KCNAB2: variants seen among roughly 807,000 people sequenced by gnomAD.
KCNAB2 encodes potassium voltage-gated channel subfamily A regulatory beta subunit 2.
Under a neutral mutation model 63.6 loss-of-function variants are expected in KCNAB2, and 29 were observed. That is an observed-to-expected ratio of 0.46 (90% CI 0.34 to 0.62). KCNAB2 has a LOEUF of 0.62. KCNAB2 is among the 20% of genes least tolerant of loss of function. The pLI, the probability that KCNAB2 is intolerant of heterozygous loss-of-function variation, is 0.01. For synonymous variants in KCNAB2, 222 were observed against 224.2 expected (o/e 0.99, Z 0.09); for missense variants, 359 against 563.9 (o/e 0.64, Z 3.68).
At chr1:6,061,703 A>G (rs1174766666) in intron 2 of KCNAB2, among the ~76,000 whole-genome samples, 4 of 152,198 alleles carry the variant, frequency 2.6e-5, no homozygotes, top group Non-Finnish European at 5.9e-5. Flanking sequence ...TCTGCCACCA[A>G]TTTTCACAGA....
chr1:6,033,153 G>C (rs899220171), upstream of KCNAB2, among the ~76,000 whole-genome samples: 2 of 152,210 alleles, frequency 1.3e-5, no homozygotes, highest in African/African-American at 4.8e-5. Flanking sequence ...TCAGGGGATT[G>C]CTACGCACTT....
At chr1:6,011,163 G>A (rs557109452) in intron 1 of KCNAB2, among the ~76,000 whole-genome samples, 1 of 152,360 alleles carries the variant, frequency 6.6e-6, no homozygotes, top group African/African-American at 2.4e-5. Context: ...TTGCTCTGAG[G>A]GAGCAGCAGG....
intron 2 of KCNAB2, among the ~76,000 whole-genome samples, chr1:6,061,229 A>G (rs908859722): frequency 6.6e-5 from 10 of 152,230 alleles, no homozygotes; most frequent in Non-Finnish European, 1.5e-4. Context: ...TATCAACAGC[A>G]GGTACCGGAG....
Position 6,073,987 on chromosome 1 carries a change from AC to A in KCNAB2, c.300+220del. Reference sequence around the variant, plus strand: ...AGGGGATGCCGAGTCTGGTGCCATCACCCAGCAGTGGATGCCTCGGGCCTCA... The same window carrying A: ...AGGGGATGCCGAGTCTGGTGCCATCACCAGCAGTGGATGCCTCGGGCCTCA... On this transcript the variant is annotated intron_variant, in intron 4 of 15. Transcript: ENST00000378083. This position sits in a 1 kb window ranked among gnomAD's most constrained non-coding sequence, Gnocchi z 5.7. The A allele has an allele frequency of 1.7e-6, 1 of 589,312 alleles. No individual in the cohort carries two copies. The highest frequency in any genetic ancestry group is 3.0e-6 in the Non-Finnish European group (1 of 328,410). 36.5% of individuals were successfully genotyped at this position (589,312 alleles called of 1,614,324 possible).
intron 2 of KCNAB2, among the ~76,000 whole-genome samples, chr1:6,057,111 A>G (rs3789553): frequency 0.35 from 51,774 of 149,416 alleles, 10,851 homozygotes; most frequent in African/African-American, 0.59. Context: ...TTCGGGCTGC[A>G]TCCTAGATGG....
chr1:6,030,572 T>G (rs1659526907), upstream of KCNAB2, among the ~76,000 whole-genome samples: 1 of 152,052 alleles, frequency 6.6e-6, no homozygotes, highest in African/African-American at 2.4e-5. Flanking sequence ...TATGTGTGTA[T>G]GTGTGTAGGT....
At chr1:6,052,656 A>G (rs1300332657) in intron 2 of KCNAB2, among the ~76,000 whole-genome samples, 2 of 152,084 alleles carry the variant, frequency 1.3e-5, no homozygotes, top group African/African-American at 4.8e-5. Context: ...GGCTGGTGTA[A>G]ATCCCTCTCA....
rs1039802867 is a variant in KCNAB2 at position 5,994,009 on chromosome 1, A to G, written c.-53+1221A>G. On this transcript the variant is annotated intron_variant, in intron 1 of 16. Transcript: ENST00000341524. The surrounding 1 kb of genome is among the most constrained non-coding windows in gnomAD (Gnocchi z 5.4). ...TCTGCCCTGTGTTGAACTGTGTCCAAGGGGAGATGACATAAGTAATAGCTC... is the reference window on the plus strand; with the variant it reads ...TCTGCCCTGTGTTGAACTGTGTCCAGGGGGAGATGACATAAGTAATAGCTC... Among the ~76,000 whole-genome samples the G allele has an allele frequency of 3.3e-5, 5 of 152,268 alleles. 1 individual carries two copies. The highest frequency in any genetic ancestry group is 4.1e-4 in the South Asian group (2 of 4,822).
chr1:6,100,437 G>A lies in KCNAB2; in HGVS notation c.*1863G>A. 1 of 169,134 alleles carries A rather than the reference G, an allele frequency of 5.9e-6. No individual in the cohort carries two copies. Among genetic ancestry groups the A allele is most frequent in the Non-Finnish European group, 1.3e-5 (1 of 79,512 alleles). The allele number at this position is 169,134 out of a possible 1,614,324, so 10.5% of individuals were successfully genotyped here. On this transcript the variant is annotated 3_prime_UTR_variant, in exon 16 of 16. Coordinates refer to ENST00000378083, the MANE Select transcript of KCNAB2 (RefSeq NM_001199862.2). ...CCCTGGGCCCAGGTGGGGGTCGCCT[G>A]CTTCCTTCCCGGACAGGGTCCTGCA...
chr1:6,054,111 A>G (rs12047776), intron 2 of KCNAB2, among the ~76,000 whole-genome samples: 51,483 of 151,726 alleles, frequency 0.34, 10,665 homozygotes, highest in African/African-American at 0.58. Context: ...TGCAGATATC[A>G]TTAAGATGGG....
chr1:6,042,924 T>C (rs1660627816), upstream of KCNAB2, among the ~76,000 whole-genome samples: 1 of 144,094 alleles, frequency 6.9e-6, no homozygotes, highest in Non-Finnish European at 1.5e-5. Context: ...TGCCACGCCT[T>C]CAGTGCCTCC....
At chr1:6,084,687 G>GCA (rs1313074734) in intron 5 of KCNAB2, among the ~76,000 whole-genome samples, 64 of 152,160 alleles carry the variant, frequency 4.2e-4, no homozygotes, top group African/African-American at 1.5e-3. Flanking sequence ...GTGGTGGCAG[G>GCA]TGCCTGTAGT....
rs1252784129 is a variant in KCNAB2 at position 6,078,222 on chromosome 1, A to C, written c.301-3973A>C. On this transcript the variant is annotated intron_variant, in intron 4 of 15. Transcript: ENST00000378083. The surrounding 1 kb of genome is among the most constrained non-coding windows in gnomAD (Gnocchi z 4.2). Reference sequence around the variant, plus strand: ...TCTCCGTCCTCCTCTTCTGTCAGTCAAGTCTCCGTCTGTCTCGTCCTCATA... The same window carrying C: ...TCTCCGTCCTCCTCTTCTGTCAGTCCAGTCTCCGTCTGTCTCGTCCTCATA... Among the ~76,000 whole-genome samples, 2 of 152,058 alleles carry C rather than the reference A, an allele frequency of 1.3e-5. No homozygotes were observed. Among genetic ancestry groups the C allele is most frequent in the Non-Finnish European group, 2.9e-5 (2 of 68,014 alleles).
At position 6,097,313 on chromosome 1, in the gene KCNAB2, G is replaced by A. The variant is rs1665726971; in HGVS notation, c.1114G>A (p.Ala372Thr). ...GGGAGTCAGCTCCGTGCTCCTGGGG[G>A]CCTCCAATGCGGACCAGCTCATGGA... ...NEGVSSVLLG[A>T]SNADQLMENI... The change falls in exon 15 of 16, where the codon GCC (alanine) becomes ACC (threonine). Residue 372 changes from alanine (A) to threonine (T), a missense_variant. Ala to Thr is a moderately conservative substitution (Grantham distance 58). Around this residue, in one of 2 missense-constraint regions of KCNAB2, gnomAD observed 271 missense variants for 476.1 expected, o/e 0.57. Coordinates refer to ENST00000378083, the MANE Select transcript of KCNAB2 (RefSeq NM_001199862.2). 3.9e-6 allele frequency: 6 copies of A among 1,552,454 alleles called. No homozygotes were observed. The highest frequency in any genetic ancestry group is 5.2e-6 in the Non-Finnish European group (6 of 1,147,420).
intron 12 of KCNAB2, 31 bp from the exon 13 acceptor site, chr1:6,095,499 G>A (rs778651042): frequency 9.2e-7 from 1 of 1,083,550 alleles, no homozygotes; most frequent in South Asian, 1.2e-5. Flanking sequence ...CTCGGGCCCA[G>A]GGCTTGACTC....
Position 6,086,697 on chromosome 1 carries a change from C to T in KCNAB2, c.426-770C>T, listed in dbSNP as rs1372311626. Among the ~76,000 whole-genome samples, 1 of 152,174 alleles carries T rather than the reference C, an allele frequency of 6.6e-6. No homozygotes were observed. Among genetic ancestry groups the T allele is most frequent in the East Asian group, 1.9e-4 (1 of 5,192 alleles). On this transcript the variant is annotated intron_variant, in intron 6 of 15. Transcript: ENST00000378083. This position sits in a 1 kb window ranked among gnomAD's most constrained non-coding sequence, Gnocchi z 4.2. ...CAAAGCCACTGGTATGGGCATTTGT[C>T]TCGTGTGGACTTAGAGCAGAAGAAC...
At chr1:6,034,097 C>T (rs1195223509), upstream of KCNAB2, among the ~76,000 whole-genome samples, 1 of 152,234 alleles carries the variant, frequency 6.6e-6, no homozygotes, top group East Asian at 1.9e-4. Flanking sequence ...CTTAGCTGTG[C>T]CTGCCTCCCT....
intron 2 of KCNAB2, 92 bp from the exon 3 acceptor site, chr1:6,072,663 G>T: frequency 7.4e-7 from 1 of 1,342,988 alleles, no homozygotes; most frequent in Non-Finnish European, 1.1e-6. Context: ...ACTGTTGGGG[G>T]AGTGGGTGGG....
chr1:6,028,413 AG>A lies in KCNAB2; in HGVS notation c.-52-12098del, dbSNP rs1659354284. Among the ~76,000 whole-genome samples the A allele has an allele frequency of 6.6e-6, 1 of 152,078 alleles. No individual in the cohort carries two copies. On this transcript the variant is annotated intron_variant, in intron 1 of 16. Transcript: ENST00000341524. The surrounding 1 kb of genome is among the most constrained non-coding windows in gnomAD (Gnocchi z 4.0). ...ACGGCAGATACTTCGGGGGCTTGGCAGGGGGGACCTCCGGGGTTCCAGAAGC... is the reference window on the plus strand; with the variant it reads ...ACGGCAGATACTTCGGGGGCTTGGCAGGGGGACCTCCGGGGTTCCAGAAGC...
Sources: allele counts gnomAD v4.1 joint callset (sites outside exome capture counted in the v4.1 genomes callset), GRCh38; gene constraint gnomAD v4.1.1; regional missense constraint gnomAD v4.1.1; non-coding constraint Gnocchi (gnomAD v3.1); transcripts MANE v1.5; gene names NCBI Gene and HGNC (gene_info 2026-07-23, HGNC 2026-07-21).